Variants in MGAM observed in about 807,000 individuals in gnomAD.
MGAM encodes maltase-glucoamylase.
A neutral mutation model predicts 358.8 loss-of-function variants in MGAM; 253 were observed. That is an observed-to-expected ratio of 0.71 (90% CI 0.64 to 0.78). The LOEUF is 0.78. Ranked by LOEUF, MGAM falls within the 30% of genes least tolerant of loss-of-function variation. MGAM has a pLI of 0.00. For synonymous variants in MGAM, 1,105 were observed against 1,227.1 expected (o/e 0.90, Z 2.08); for missense variants, 3,080 against 3,432.6 (o/e 0.90, Z 2.57).
chr7:142,099,645 G>A lies in MGAM; in HGVS notation c.7782G>A (p.Lys2594=). 1.9e-6 allele frequency: 3 copies of A among 1,613,952 alleles called. No homozygotes were observed. The highest frequency in any genetic ancestry group is 2.5e-6 in the Non-Finnish European group (3 of 1,179,874). ...ATATTAATGCAAGAGGAGAGTGGAA[G>A]ACCTTGCCAGCCCCTCTTGACCACA... ...GVDINARGEW[K]TLPAPLDHIN... is the part of the protein sequence containing the mutation. Residue 2594 remains lysine, a synonymous_variant, in exon 67 of 71, where the codon AAG becomes AAA. Transcript: ENST00000475668.
At chr7:142,058,011 A>G (rs905979266) in intron 30 of MGAM, among the ~76,000 whole-genome samples, 192 bp from the exon 31 acceptor site, 4 of 152,130 alleles carry the variant, frequency 2.6e-5, no homozygotes, top group African/African-American at 9.7e-5. Flanking sequence ...CATAATTTTT[A>G]AGAAGGAGCT....
chr7:141,986,814 C>G (rs1384215557), intron 2 of MGAM, among the ~76,000 whole-genome samples: 1 of 152,130 alleles, frequency 6.6e-6, no homozygotes, highest in Non-Finnish European at 1.5e-5. Flanking sequence ...TGCATTATGA[C>G]CCTCTCAATA....
intron 1 of MGAM, among the ~76,000 whole-genome samples, chr7:142,001,088 A>G (rs1293502492): frequency 6.6e-6 from 1 of 152,216 alleles, no homozygotes; most frequent in East Asian, 1.9e-4. Flanking sequence ...ATGAGAGATT[A>G]TTAATCTTTA....
chr7:142,027,704 T>C lies in MGAM; in HGVS notation c.1190T>C (p.Val397Ala). The change falls in exon 10 of 71, where the codon GTG becomes GCG. Residue 397 changes from valine (V) to alanine (A), a missense_variant. This residue lies in a region of MGAM where 1,816 missense variants were observed against 1,840.5 expected (regional missense o/e 0.99). Coordinates refer to ENST00000475668, the MANE Select transcript of MGAM (RefSeq NM_001365693.1). ...ACCTTAGACAACATGAGGGAAGTCG[T>C]GGAGAGAAATCGCGCAGCACAGCTC... is the stretch of plus-strand genomic sequence containing the variant. ...YGTLDNMREV[V>A]ERNRAAQLPY... 6.2e-7 allele frequency: 1 copy of C among 1,613,252 alleles called. No individual in the cohort carries two copies. The highest frequency in any genetic ancestry group is 1.3e-5 in the African/African-American group (1 of 75,058).
At chr7:142,011,088 C>A (rs1805557730) in intron 3 of MGAM, among the ~76,000 whole-genome samples, 1 of 152,082 alleles carries the variant, frequency 6.6e-6, no homozygotes, top group South Asian at 2.1e-4. Flanking sequence ...AACCCGCATG[C>A]CCTAAGTAAA....
In MGAM at chr7:142,085,244, A is replaced by G. The variant is rs985161036; in HGVS notation, c.6508-589A>G. ...AATGTACCATCGCATATCTAATTGT[A>G]TTCTACATTTCTCTTGTTTTACAGT... is the stretch of plus-strand genomic sequence containing the variant. On this transcript the variant is annotated intron_variant, in intron 54 of 70. Transcript: ENST00000475668. Among the ~76,000 whole-genome samples the G allele has an allele frequency of 9.2e-4, 135 of 146,798 alleles. 4 individuals carry two copies. Among genetic ancestry groups the G allele is most frequent in the African/African-American group, 3.2e-3 (130 of 41,264 alleles).
At chr7:142,005,071 A>G (rs1228193967) in intron 1 of MGAM, among the ~76,000 whole-genome samples, 11 of 152,068 alleles carry the variant, frequency 7.2e-5, no homozygotes, top group Non-Finnish European at 1.5e-4. Flanking sequence ...TCTGTTTATT[A>G]AAAAATACAT....
At chr7:142,002,778 A>C (rs528581669) in intron 1 of MGAM, among the ~76,000 whole-genome samples, 39 of 152,176 alleles carry the variant, frequency 2.6e-4, no homozygotes, top group Non-Finnish European at 4.9e-4. Context: ...AACTGGAAAA[A>C]AGGAAGTCAA....
At chr7:142,035,369 A>G (rs1807892060) in intron 16 of MGAM, among the ~76,000 whole-genome samples, 1 of 152,202 alleles carries the variant, frequency 6.6e-6, no homozygotes, top group African/African-American at 2.4e-5. Context: ...GTAAGAGGAG[A>G]CAGATGTGTA....
At chr7:142,022,494 G>C in intron 7 of MGAM, 55 bp downstream of exon 7, 1 of 1,544,104 alleles carries the variant, frequency 6.5e-7, no homozygotes, top group East Asian at 2.3e-5. Context: ...ATTCTTAAAG[G>C]TCACCTCTAG....
At chr7:142,049,168 T>A (rs10249175) in intron 22 of MGAM, among the ~76,000 whole-genome samples, 10,571 of 152,264 alleles carry the variant, frequency 0.069, 1,211 homozygotes, top group African/African-American at 0.24. Flanking sequence ...GATTCATCCA[T>A]GCTGTTGCAA....
chr7:142,065,943 G>GGTTT (rs1812697554), intron 40 of MGAM, 112 bp downstream of exon 40: 1 of 615,312 alleles, frequency 1.6e-6, no homozygotes, highest in African/African-American at 2.1e-5. Context: ...AAAAAAAGGT[G>GGTTT]TTTTTTTTTG....
rs1446588922 is a variant in MGAM, at chr7:142,084,409, ATTAG to A, written c.6382-103_6382-100del. On this transcript the variant is annotated intron_variant, in intron 53 of 70. Coordinates refer to ENST00000475668, the MANE Select transcript of MGAM (RefSeq NM_001365693.1). ...CCTGTCAGTTTTGATGTGGAATTCA[ATTAG>A]TTAGTTGTCTAGCTTGGGGCACAGA... 9.6e-6 allele frequency: 12 copies of A among 1,250,216 alleles called. 3 individuals are homozygous for A. The highest frequency in any genetic ancestry group is 4.5e-6 in the Non-Finnish European group (4 of 889,670). The allele number at this position is 1,250,216 out of a possible 1,614,324, so 77.4% of individuals were successfully genotyped here.
intron 2 of MGAM, among the ~76,000 whole-genome samples, chr7:141,988,012 G>A (rs1432282197): frequency 6.6e-6 from 1 of 152,196 alleles, no homozygotes; most frequent in Non-Finnish European, 1.5e-5. Flanking sequence ...CCGAGGCTGG[G>A]CGTGGTGGCT....
In MGAM at chr7:142,058,100, A is replaced by G. The variant is rs1433611726; in HGVS notation, c.3694-103A>G. 2.6e-6 allele frequency: 4 copies of G among 1,544,848 alleles called. No homozygotes were observed. In the Admixed American group the frequency reaches 7.2e-5, roughly 28 times the overall value. On this transcript the variant is annotated intron_variant, in intron 30 of 70. Coordinates refer to ENST00000475668, the MANE Select transcript of MGAM (RefSeq NM_001365693.1). ...GTTTTGGTCTGGATTTCAATTAGTT[A>G]GTTGTCTAGCTTGGGGCACAGAAAA...
At chr7:141,989,216 T>C (rs1470943956) in intron 2 of MGAM, among the ~76,000 whole-genome samples, 1 of 152,086 alleles carries the variant, frequency 6.6e-6, no homozygotes, top group African/African-American at 2.4e-5. Context: ...GTGTGGGATG[T>C]GTTGACTGTT....
At chr7:141,993,935 T>C (rs564122661), upstream of MGAM, among the ~76,000 whole-genome samples, 1 of 152,342 alleles carries the variant, frequency 6.6e-6, no homozygotes, top group African/African-American at 2.4e-5. Context: ...ATTGATTTTC[T>C]TTGTATCTCA....
Position 142,076,459 on chromosome 7 carries a change from T to TGC in MGAM, c.5326-200_5326-199insGC, listed in dbSNP as rs749745180. ...TGTTTCTAAATATAGTTTTTAATTA[T>TGC]CTGTGTGTTTTTATGATTGTATCAA... is the stretch of plus-strand genomic sequence containing the variant. On this transcript the variant is annotated intron_variant, in intron 46 of 70. Coordinates refer to ENST00000475668, the MANE Select transcript of MGAM (RefSeq NM_001365693.1). 13 of 854,430 alleles carry TGC rather than the reference T, an allele frequency of 1.5e-5. No homozygotes were observed. The African/African-American group carries it at 2.0e-4, about 13-fold the overall frequency. 52.9% of individuals were successfully genotyped at this position (854,430 alleles called of 1,614,324 possible).
At chr7:142,096,064 G>A (rs1023178888) in intron 64 of MGAM, 10 of 596,972 alleles carry the variant, frequency 1.7e-5, no homozygotes, top group African/African-American at 5.6e-5. Flanking sequence ...GGCCATCCTT[G>A]CATTTGAAGT....
Sources: gnomAD v4.1 joint callset for allele counts (sites outside exome capture counted in the v4.1 genomes callset) on GRCh38, gnomAD v4.1.1 for gene constraint, gnomAD v4.1.1 regional missense constraint, MANE v1.5 for transcripts, NCBI Gene and HGNC (gene_info 2026-07-23, HGNC 2026-07-21) for gene names.